The following CNTN3 variants were observed in gnomAD, a reference collection of about 807,000 sequenced individuals.
CNTN3 encodes contactin-3.
A neutral mutation model predicts 119.1 loss-of-function variants in CNTN3; 60 were observed. That is an observed-to-expected ratio of 0.50 (90% CI 0.41 to 0.62). The LOEUF is 0.62. Among genes scored for constraint, CNTN3 ranks in the 20% least tolerant of loss-of-function variants. The pLI, the probability that CNTN3 is intolerant of heterozygous loss-of-function variation, is 0.00. For synonymous variants in CNTN3, 450 were observed against 438.7 expected, an observed-to-expected ratio of 1.03 and a Z score of -0.32; for missense variants, 1,101 against 1,242.4, an observed-to-expected ratio of 0.89 and a Z score of 1.71.
chr3:74,447,765 T>G (rs1212634828), intron 4 of CNTN3, among the ~76,000 whole-genome samples: 1 of 152,112 alleles, frequency 6.6e-6, no homozygotes, highest in Middle Eastern at 3.2e-3. Flanking sequence ...GGTGGAGAGT[T>G]CATAAGGGCC....
intron 1 of CNTN3, among the ~76,000 whole-genome samples, chr3:74,540,807 G>T (rs973121297): frequency 2.0e-4 from 31 of 152,064 alleles, no homozygotes; most frequent in Admixed American, 5.2e-4. Context: ...AAAGCCAAGT[G>T]TTCCTATTTA....
At chr3:74,344,359 T>C (rs1575739979) in intron 11 of CNTN3, among the ~76,000 whole-genome samples, 1 of 148,566 alleles carries the variant, frequency 6.7e-6, no homozygotes, top group Admixed American at 6.7e-5. Flanking sequence ...TTAATATCCA[T>C]CAATATTTAA....
intron 4 of CNTN3, among the ~76,000 whole-genome samples, chr3:74,451,511 T>C (rs946847127): frequency 1.3e-5 from 2 of 152,170 alleles, no homozygotes; most frequent in Admixed American, 6.5e-5. Context: ...AGAAGCTCTT[T>C]AGTTTAATTA....
chr3:74,610,990 C>A (rs1282075788), intron 1 of CNTN3, among the ~76,000 whole-genome samples: 1 of 152,122 alleles, frequency 6.6e-6, no homozygotes, highest in Admixed American at 6.5e-5. Flanking sequence ...CATATCTTAA[C>A]ATCTGAAAGG....
At chr3:74,271,647 A>C (rs1174109526) in intron 20 of CNTN3, among the ~76,000 whole-genome samples, 1 of 152,198 alleles carries the variant, frequency 6.6e-6, no homozygotes, top group Non-Finnish European at 1.5e-5. Context: ...GATGGTAATG[A>C]GATGACTTAC....
chr3:74,602,295 C>CAAAAAAAAAAAAAAAAAAAAAAA (rs1167052275), intron 1 of CNTN3, among the ~76,000 whole-genome samples: 1 of 19,688 alleles, frequency 5.1e-5, no homozygotes, highest in African/African-American at 1.2e-4. Context: ...GACCTGGTCT[C>CAAAAAAAAAAAAAAAAAAAAAAA]AAAAAAAAAA....
intron 1 of CNTN3, among the ~76,000 whole-genome samples, chr3:74,524,557 T>C (rs926087687): frequency 6.6e-6 from 1 of 151,814 alleles, no homozygotes; most frequent in Non-Finnish European, 1.5e-5. Context: ...GGTGTGTGTA[T>C]GTGCTGCAGA....
chr3:74,344,614 C>G (rs987056859), intron 11 of CNTN3, among the ~76,000 whole-genome samples: 6 of 151,572 alleles, frequency 4.0e-5, no homozygotes, highest in Non-Finnish European at 7.4e-5. Flanking sequence ...GCCGACACCA[C>G]GCCCAGCTAA....
chr3:74,411,114 T>C (rs1019486847), intron 5 of CNTN3, among the ~76,000 whole-genome samples: 3 of 152,144 alleles, frequency 2.0e-5, no homozygotes, highest in Non-Finnish European at 1.5e-5. Context: ...TCTTTCTTTA[T>C]AATTTGTCAT....
At chr3:74,377,878 C>T (rs1049803150) in intron 5 of CNTN3, among the ~76,000 whole-genome samples, 4 of 152,276 alleles carry the variant, frequency 2.6e-5, no homozygotes, top group Middle Eastern at 3.4e-3. Context: ...TCTGGAGATA[C>T]ACTAATACAT....
intron 13 of CNTN3, among the ~76,000 whole-genome samples, chr3:74,312,327 G>C (rs921666512): frequency 1.3e-5 from 2 of 151,622 alleles, no homozygotes; most frequent in Admixed American, 1.3e-4. Context: ...GTGGTGGCGG[G>C]TGCCTGTAGT....
intron 11 of CNTN3, among the ~76,000 whole-genome samples, chr3:74,347,702 C>T (rs1703726513): frequency 6.6e-6 from 1 of 152,178 alleles, no homozygotes. Flanking sequence ...TCCTCAGAGC[C>T]TTACACATGG....
intron 2 of CNTN3, among the ~76,000 whole-genome samples, chr3:74,509,035 A>G (rs912393769): frequency 6.6e-6 from 1 of 152,232 alleles, no homozygotes; most frequent in South Asian, 2.1e-4. Context: ...CAGGGAGAAG[A>G]GAAATACTGT....
intron 1 of CNTN3, among the ~76,000 whole-genome samples, chr3:74,559,353 G>A (rs552124856): frequency 1.3e-5 from 2 of 152,224 alleles, no homozygotes; most frequent in African/African-American, 2.4e-5. Context: ...AGATGTTGAC[G>A]ATTCTTCCGC....
At chr3:74,526,234 C>CAAAA (rs1396618900) in intron 1 of CNTN3, among the ~76,000 whole-genome samples, 1 of 151,286 alleles carries the variant, frequency 6.6e-6, no homozygotes, top group Non-Finnish European at 1.5e-5. Flanking sequence ...AAAACTTGAG[C>CAAAA]AGCTTACCGA....
chr3:74,595,363 T>A (rs1704787287), intron 1 of CNTN3, among the ~76,000 whole-genome samples: 2 of 151,932 alleles, frequency 1.3e-5, no homozygotes, highest in Non-Finnish European at 2.9e-5. Context: ...CATGAAGTCC[T>A]TGCCCATGCC....
At chr3:74,387,574 G>A (rs886538763) in intron 5 of CNTN3, among the ~76,000 whole-genome samples, 1 of 152,212 alleles carries the variant, frequency 6.6e-6, no homozygotes, top group South Asian at 2.1e-4. Context: ...AGAATGAGCT[G>A]GGAGTTGGTC....
At position 74,385,785 on chromosome 3, in the gene CNTN3, T is replaced by A. The variant is rs78962202; in HGVS notation, c.455-14386A>T. The stretch of plus-strand genomic sequence containing the variant: ...AACTAATTCTATATTATAAAATATG[T>A]ATGCAGGTCCTGCTTTTTAAAATGT... On this transcript the variant is annotated intron_variant, in intron 5 of 22. Transcript: ENST00000263665. 5.3e-4 allele frequency among the ~76,000 whole-genome samples: 80 copies of A among 152,362 alleles called. No individual in the cohort carries two copies. In the East Asian group the frequency reaches 0.015, roughly 28 times the overall value.
At chr3:74,474,735 C>T (rs900593591) in intron 4 of CNTN3, among the ~76,000 whole-genome samples, 18 of 152,070 alleles carry the variant, frequency 1.2e-4, no homozygotes, top group East Asian at 9.7e-4. Flanking sequence ...TGAAATGCAA[C>T]GCCAAGTGTT....
Sources: gnomAD v4.1 joint callset for allele counts (sites outside exome capture counted in the v4.1 genomes callset) on GRCh38, gnomAD v4.1.1 for gene constraint, MANE v1.5 for transcripts, NCBI Gene and HGNC (gene_info 2026-07-23, HGNC 2026-07-21) for gene names.